The following NFXL1 variants were observed in gnomAD, a reference collection of about 807,000 sequenced individuals.
NFXL1 encodes nuclear transcription factor, X-box binding like 1.
Under a neutral mutation model 123.3 loss-of-function variants are expected in NFXL1, and 66 were observed. The ratio of observed to expected loss-of-function variants is 0.54; its 90% confidence interval spans 0.44 to 0.66. The LOEUF (loss-of-function observed/expected upper bound fraction) is 0.66. NFXL1 is among the 30% of genes least tolerant of loss of function. The probability of loss-of-function intolerance (pLI) is 0.00; values close to 1 mark genes in which losing one functional copy is unlikely to be tolerated. For missense variants in NFXL1, 944 were observed against 1,125.6 expected, an observed-to-expected ratio of 0.84 and a Z score of 2.31; for synonymous variants, 346 against 360.8, an observed-to-expected ratio of 0.96 and a Z score of 0.46.
intron 11 of NFXL1, among the ~76,000 whole-genome samples, chr4:47,893,831 ATTAT>A (rs1312425169): frequency 2.6e-5 from 4 of 152,104 alleles, no homozygotes; most frequent in African/African-American, 7.2e-5. Flanking sequence ...AAGATAACTG[ATTAT>A]TTAAAGCAAA....
intron 2 of NFXL1, among the ~76,000 whole-genome samples, 184 bp downstream of exon 2, chr4:47,913,785 A>C (rs1737962315): frequency 6.6e-6 from 1 of 152,230 alleles, no homozygotes; most frequent in Admixed American, 6.5e-5. Context: ...AAGAGGTGCG[A>C]TGGAAATCTA....
At chr4:47,869,520 T>C (rs1183750946) in intron 18 of NFXL1, among the ~76,000 whole-genome samples, 1 of 152,136 alleles carries the variant, frequency 6.6e-6, no homozygotes, top group Non-Finnish European at 1.5e-5. Context: ...ATCTTGACTA[T>C]AGGAGGAAGT....
chr4:47,888,269 T>A (rs914706998), intron 12 of NFXL1, among the ~76,000 whole-genome samples: 1 of 152,142 alleles, frequency 6.6e-6, no homozygotes, highest in African/African-American at 2.4e-5. Flanking sequence ...AGAGACTCCG[T>A]CTCAAAGAAC....
rs1215841282 is a variant in NFXL1, at chr4:47,878,534, T to C, written c.2070A>G (p.Gly690=). The C allele has an allele frequency of 1.3e-6, 2 of 1,577,002 alleles. No individual in the cohort carries two copies. The highest frequency in any genetic ancestry group is 3.7e-5 in the Admixed American group (2 of 53,504). Residue 690 remains glycine, a synonymous_variant, in exon 17 of 23, where the codon GGA becomes GGG. Coordinates refer to ENST00000507489, the MANE Select transcript of NFXL1 (RefSeq NM_001278624.2). ...AATCTAAGAACATTACCTTGTTTTT[T>C]CCAGTGCAGCCATCAGTTTTGGTTA... ...HKVTKTDGCT[G]KNKAGPECLH...
intron 18 of NFXL1, among the ~76,000 whole-genome samples, chr4:47,870,602 AG>A (rs1235995772): frequency 7.7e-6 from 1 of 129,954 alleles, no homozygotes; most frequent in Non-Finnish European, 1.8e-5. Context: ...CAAAACCCCA[AG>A]GAAAAAAAAA....
intron 18 of NFXL1, among the ~76,000 whole-genome samples, chr4:47,868,036 C>T (rs1209977962): frequency 4.6e-5 from 7 of 152,154 alleles, no homozygotes; most frequent in Non-Finnish European, 1.0e-4. Flanking sequence ...AAAAAAAGGG[C>T]TGGGCGCAGT....
rs140989177 is a variant in NFXL1, at chr4:47,896,738, C to T, written c.1205-91G>A. On this transcript the variant is annotated intron_variant, in intron 9 of 22. Coordinates refer to ENST00000507489, the MANE Select transcript of NFXL1 (RefSeq NM_001278624.2). Reference sequence around the variant, plus strand: ...TGTTCTTCAGGCTCCCTAAGGAATGCTAGCACTTTCAGACTATAAATTTTT... The same window carrying T: ...TGTTCTTCAGGCTCCCTAAGGAATGTTAGCACTTTCAGACTATAAATTTTT... 5.0e-6 allele frequency: 4 copies of T among 793,656 alleles called. No homozygotes were observed. The African/African-American group carries it at 5.2e-5, about 10-fold the overall frequency. 49.2% of individuals were successfully genotyped at this position (793,656 alleles called of 1,614,324 possible). A position where few individuals can be genotyped will look rare whatever the true frequency, so the allele number is the denominator to read the frequency against.
intron 22 of NFXL1, among the ~76,000 whole-genome samples, chr4:47,849,186 A>T (rs918493169): frequency 3.3e-5 from 5 of 152,268 alleles, no homozygotes; most frequent in African/African-American, 1.2e-4. Flanking sequence ...TACATTTTTT[A>T]AAAATAGTAA....
At chr4:47,883,639 C>T (rs887838455) in intron 15 of NFXL1, among the ~76,000 whole-genome samples, 5 of 152,156 alleles carry the variant, frequency 3.3e-5, no homozygotes, top group Non-Finnish European at 7.3e-5. Context: ...CATGCTATTT[C>T]AACTGGGAGG....
In NFXL1 at chr4:47,867,507, G is replaced by C. The variant is rs114777929; in HGVS notation, c.2247-4592C>G. On this transcript the variant is annotated intron_variant, in intron 18 of 22. Transcript: ENST00000507489. Reference sequence around the variant, plus strand: ...AAACAAAATAAATGAAACAGATCTGGTATTTAAAACTATAATCCAGGAAAA... The same window carrying C: ...AAACAAAATAAATGAAACAGATCTGCTATTTAAAACTATAATCCAGGAAAA... 9.4e-3 allele frequency among the ~76,000 whole-genome samples: 1,436 copies of C among 152,084 alleles called. 21 individuals carry two copies. Among genetic ancestry groups the C allele is most frequent in the African/African-American group, 0.033 (1,380 of 41,500 alleles).
chr4:47,862,849 T>A lies in NFXL1; in HGVS notation c.2313A>T (p.Lys771Asn). ...AAAAGGTTCTACTAAAGCTTACCTC[T>A]TTAGGGCACTGATTTTTGCAACAAC... is the stretch of plus-strand genomic sequence containing the variant. ...LLSCCKNQCP[K>N]ELPCGHRCKE... Residue 771 changes from lysine to asparagine, a missense_variant, in exon 19 of 23, where the codon AAA (lysine) becomes AAT (asparagine). Physicochemically the swap from Lys to Asn is moderately conservative, Grantham distance 94. This residue lies in a region of NFXL1 where 301 missense variants were observed against 348.0 expected (regional missense o/e 0.86). Transcript: ENST00000507489. The A allele has an allele frequency of 6.5e-7, 1 of 1,542,488 alleles. No homozygotes were observed. Among genetic ancestry groups the A allele is most frequent in the Non-Finnish European group, 8.8e-7 (1 of 1,130,858 alleles).
intron 4 of NFXL1, among the ~76,000 whole-genome samples, chr4:47,904,390 G>A (rs1258020700): frequency 6.6e-6 from 1 of 152,272 alleles, no homozygotes; most frequent in South Asian, 2.1e-4. Context: ...ACAAAATTGA[G>A]AGGCGGAAAA....
Position 47,875,296 on chromosome 4 carries a change from GA to G in NFXL1, c.2080-4del. On this transcript the variant is annotated splice_polypyrimidine_tract_variant and splice_region_variant and intron_variant, in intron 17 of 22. Coordinates refer to ENST00000507489, the MANE Select transcript of NFXL1 (RefSeq NM_001278624.2). Reference sequence around the variant, plus strand: ...CAATGAAGGCATTCTGGGCCAGCCTGAAAAACAGCATGGAAATAAATCACCT... The same window carrying G: ...CAATGAAGGCATTCTGGGCCAGCCTGAAAACAGCATGGAAATAAATCACCT... 6.2e-7 allele frequency: 1 copy of G among 1,605,168 alleles called. No individual in the cohort carries two copies. The highest frequency in any genetic ancestry group is 1.7e-5 in the Admixed American group (1 of 58,862).
At chr4:47,866,250 G>C (rs898928825) in intron 18 of NFXL1, among the ~76,000 whole-genome samples, 7 of 152,122 alleles carry the variant, frequency 4.6e-5, no homozygotes, top group Non-Finnish European at 8.8e-5. Context: ...GACTTCTTTA[G>C]ACCCGGCAAA....
At chr4:47,886,557 G>A (rs1578022394) in intron 12 of NFXL1, among the ~76,000 whole-genome samples, 2 of 152,000 alleles carry the variant, frequency 1.3e-5, no homozygotes, top group South Asian at 2.1e-4. Flanking sequence ...TATAGAGATG[G>A]AGGGGTCTCA....
In NFXL1 at chr4:47,899,473, A is replaced by C. The variant is rs1452549594; in HGVS notation, c.723T>G (p.Asp241Glu). 1 of 1,613,304 alleles carries C rather than the reference A, an allele frequency of 6.2e-7. No homozygotes were observed. Among genetic ancestry groups the C allele is most frequent in the Non-Finnish European group, 8.5e-7 (1 of 1,179,352 alleles). Reference sequence around the variant, plus strand: ...GCACAAGCCACGGATCTAAAGGTGGATCTTCTACTTTTCCACAATAGCAAT... The same window carrying C: ...GCACAAGCCACGGATCTAAAGGTGGCTCTTCTACTTTTCCACAATAGCAAT... ...RYYCYCGKVE[D>E]PPLDPWLVPH... The change falls in exon 6 of 23, where the codon GAT becomes GAG. Residue 241 changes from aspartate (D) to glutamate (E), a missense_variant. By Grantham distance (45) the Asp-to-Glu change is conservative. Coordinates refer to ENST00000507489, the MANE Select transcript of NFXL1 (RefSeq NM_001278624.2).
At position 47,848,160 on chromosome 4, in the gene NFXL1, T is replaced by C. The variant is rs143409998; in HGVS notation, c.*3A>G. 788 of 1,546,676 alleles carry C rather than the reference T, an allele frequency of 5.1e-4. 1 individual carries two copies. Among genetic ancestry groups the C allele is most frequent in the Non-Finnish European group, 6.5e-4 (743 of 1,142,706 alleles). On this transcript the variant is annotated 3_prime_UTR_variant, in exon 23 of 23. Coordinates refer to ENST00000507489, the MANE Select transcript of NFXL1 (RefSeq NM_001278624.2). ...GAGTTACATTAAAAGATCAAAACTTTTTTTAATTGACATCATGGGTGATGT... is the reference window on the plus strand; with the variant it reads ...GAGTTACATTAAAAGATCAAAACTTCTTTTAATTGACATCATGGGTGATGT...
intron 15 of NFXL1, among the ~76,000 whole-genome samples, chr4:47,883,649 G>A (rs1736246491): frequency 6.6e-6 from 1 of 152,150 alleles, no homozygotes; most frequent in Admixed American, 6.5e-5. Flanking sequence ...CAACTGGGAG[G>A]AATGTTGTGG....
intron 18 of NFXL1, among the ~76,000 whole-genome samples, chr4:47,873,447 AATGG>A (rs1260243227): frequency 6.6e-6 from 1 of 152,214 alleles, no homozygotes; most frequent in Non-Finnish European, 1.5e-5. Flanking sequence ...TGGACTGCAG[AATGG>A]ATGTTGTGTT....
Sources: allele counts gnomAD v4.1 joint callset (sites outside exome capture counted in the v4.1 genomes callset), GRCh38; gene constraint gnomAD v4.1.1; regional missense constraint gnomAD v4.1.1; transcripts MANE v1.5; gene names NCBI Gene and HGNC (gene_info 2026-07-23, HGNC 2026-07-21).